RBM19: variants seen among roughly 807,000 people sequenced by gnomAD.
RBM19 encodes RNA binding motif protein 19.
In RBM19, 94 loss-of-function variants were observed where a neutral mutation model predicts 116.8. That is an observed-to-expected ratio of 0.80 (90% CI 0.68 to 0.95). RBM19 has a LOEUF of 0.95. Ranked by LOEUF, RBM19 falls within the 40% of genes least tolerant of loss-of-function variation. The probability of loss-of-function intolerance (pLI) is 0.00; values close to 1 mark genes in which losing one functional copy is unlikely to be tolerated. For synonymous variants in RBM19, 475 were observed against 494.1 expected (o/e 0.96, Z 0.51); for missense variants, 1,161 against 1,220.7 (o/e 0.95, Z 0.73).
At chr12:113,951,533 A>G (rs952229816) in intron 8 of RBM19, among the ~76,000 whole-genome samples, 2 of 150,566 alleles carry the variant, frequency 1.3e-5, no homozygotes, top group African/African-American at 4.9e-5. Context: ...GCACACACAC[A>G]CACAAACACA....
intron 21 of RBM19, among the ~76,000 whole-genome samples, chr12:113,908,806 C>T (rs1256469731): frequency 6.6e-6 from 1 of 152,202 alleles, no homozygotes; most frequent in African/African-American, 2.4e-5. Flanking sequence ...CTGTGCCTTA[C>T]ACTTCGCGTT....
chr12:113,852,764 A>C (rs1593484142), intron 22 of RBM19, among the ~76,000 whole-genome samples: 1 of 152,368 alleles, frequency 6.6e-6, no homozygotes, highest in Admixed American at 6.5e-5. Context: ...ACTTGGGCTA[A>C]AGGGATCTGA....
chr12:113,947,616 T>C, intron 10 of RBM19, 152 bp from the exon 11 acceptor site: 1 of 808,540 alleles, frequency 1.2e-6, no homozygotes, highest in Non-Finnish European at 1.8e-6. Context: ...CAACAATACC[T>C]GGGCTGGAGC....
intron 21 of RBM19, among the ~76,000 whole-genome samples, chr12:113,890,589 T>G (rs990265719): frequency 6.6e-6 from 1 of 152,142 alleles, no homozygotes; most frequent in African/African-American, 2.4e-5. Flanking sequence ...TCGGGGAATG[T>G]TCAGGGATGG....
At chr12:113,956,076 G>A (rs1229213829) in intron 6 of RBM19, among the ~76,000 whole-genome samples, 3 of 152,042 alleles carry the variant, frequency 2.0e-5, no homozygotes, top group South Asian at 4.2e-4. Context: ...TCTCACCCAA[G>A]GACCAACAGC....
At chr12:113,863,613 C>G (rs577656913) in intron 21 of RBM19, among the ~76,000 whole-genome samples, 28 of 152,252 alleles carry the variant, frequency 1.8e-4, no homozygotes, top group Non-Finnish European at 4.0e-4. Context: ...GCTGGAAGAA[C>G]CAGAATCCCA....
At chr12:113,875,042 G>C (rs1033971990) in intron 21 of RBM19, among the ~76,000 whole-genome samples, 1 of 152,238 alleles carries the variant, frequency 6.6e-6, no homozygotes, top group African/African-American at 2.4e-5. Context: ...TGTCAACCAG[G>C]AGATGACAGC....
rs750723689 is a variant in RBM19, at chr12:113,915,058, T to A, written c.2469A>T (p.Lys823Asn). 10 of 1,614,024 alleles carry A rather than the reference T, an allele frequency of 6.2e-6. No individual in the cohort carries two copies. In the South Asian group the frequency reaches 1.1e-4, roughly 18 times the overall value. The change falls in exon 21 of 24, where the codon AAA becomes AAT. Residue 823 changes from lysine (K) to asparagine (N), a missense_variant. Physicochemically the swap from Lys to Asn is moderately conservative, Grantham distance 94 (BLOSUM62 0). Transcript: ENST00000261741. ...TKPAVTLARK[K>N]QVPRKQTTSK... The stretch of plus-strand genomic sequence containing the variant: ...AGGTGGTCTGCTTTCTGGGAACTTG[T>A]TTCTTCCGAGCCAATGTCACGGCTG...
At position 113,924,774 on chromosome 12, in the gene RBM19, C is replaced by T. The variant is rs200519747; in HGVS notation, c.2245-17G>A. Reference sequence around the variant, plus strand: ...TGAAAACACCTGGATAAGAAAGTAACAAGTATCATCAGCAGCTCTAAACCA... The same window carrying T: ...TGAAAACACCTGGATAAGAAAGTAATAAGTATCATCAGCAGCTCTAAACCA... On this transcript the variant is annotated splice_polypyrimidine_tract_variant and intron_variant, in intron 17 of 23. Transcript: ENST00000261741. 3.3e-6 allele frequency: 5 copies of T among 1,529,162 alleles called. No homozygotes were observed. The East Asian group carries it at 1.1e-4, about 34-fold the overall frequency. 94.7% of individuals were successfully genotyped at this position (1,529,162 alleles called of 1,614,324 possible).
downstream of RBM19, among the ~76,000 whole-genome samples, chr12:113,821,248 T>G (rs1257441290): frequency 6.6e-6 from 1 of 152,194 alleles, no homozygotes; most frequent in African/African-American, 2.4e-5. Flanking sequence ...AAGCATCCTC[T>G]GGGCCAGTTA....
chr12:113,926,203 C>T (rs1280731543), intron 17 of RBM19, among the ~76,000 whole-genome samples: 1 of 152,186 alleles, frequency 6.6e-6, no homozygotes, highest in African/African-American at 2.4e-5. Context: ...CCACCATATT[C>T]CTACCCCTGA....
intron 18 of RBM19, among the ~76,000 whole-genome samples, chr12:113,923,728 G>A (rs1195752476): frequency 6.6e-6 from 1 of 152,122 alleles, no homozygotes. Context: ...TCCCAGCCTC[G>A]GGCTGATGTG....
chr12:113,934,344 C>T (rs937652310), intron 16 of RBM19, among the ~76,000 whole-genome samples: 4 of 152,232 alleles, frequency 2.6e-5, no homozygotes, highest in Non-Finnish European at 4.4e-5. Flanking sequence ...GGAAACTGAG[C>T]CTCAGAGAGG....
intron 13 of RBM19, among the ~76,000 whole-genome samples, chr12:113,944,878 TAC>T (rs1042059618): frequency 5.6e-5 from 8 of 144,088 alleles, no homozygotes; most frequent in African/African-American, 2.1e-4. Context: ...TATATATATA[TAC>T]ACATTTATAT....
Position 113,942,536 on chromosome 12 carries a change from G to A in RBM19, c.1627-102C>T, listed in dbSNP as rs551044900. On this transcript the variant is annotated intron_variant, in intron 13 of 23. Coordinates refer to ENST00000261741, the MANE Select transcript of RBM19 (RefSeq NM_016196.4). Reference sequence around the variant, plus strand: ...TGAAGAGGAGGCTGGGATGGAAATGGATTCCACGGATGCCGCTCACCTTCC... The same window carrying A: ...TGAAGAGGAGGCTGGGATGGAAATGAATTCCACGGATGCCGCTCACCTTCC... The A allele has an allele frequency of 3.7e-5, 32 of 861,302 alleles. No individual in the cohort carries two copies. The African/African-American group carries it at 5.1e-4, about 14-fold the overall frequency. The allele number at this position is 861,302 out of a possible 1,614,324, so 53.4% of individuals were successfully genotyped here.
rs756060518 is a variant in RBM19, at chr12:113,844,710, T to A, written c.2743A>T (p.Thr915Ser). 2 of 1,613,052 alleles carry A rather than the reference T, an allele frequency of 1.2e-6. No individual in the cohort carries two copies. The highest frequency in any genetic ancestry group is 1.7e-5 in the Admixed American group (1 of 59,964). The change falls in exon 23 of 24, where the codon ACC becomes TCC. Residue 915 changes from threonine (T) to serine (S), a missense_variant. Thr to Ser is a moderately conservative substitution (Grantham distance 58). Coordinates refer to ENST00000261741, the MANE Select transcript of RBM19 (RefSeq NM_016196.4). ...GTCTTCCGCCGCAGGGCCTGCAGGG[T>A]CACCTCGGAGTCGGCCCACTCCAGC... ...LVLEWADSEV[T>S]LQALRRKTAA...
At chr12:113,830,546 T>C (rs937948505) in intron 23 of RBM19, among the ~76,000 whole-genome samples, 1 of 103,744 alleles carries the variant, frequency 9.6e-6, no homozygotes, top group African/African-American at 3.9e-5. Context: ...CTGATACCCA[T>C]GGAGTTACCC....
chr12:113,899,160 T>C (rs1353943015), intron 21 of RBM19, among the ~76,000 whole-genome samples: 4 of 152,230 alleles, frequency 2.6e-5, no homozygotes, highest in African/African-American at 7.2e-5. Context: ...TCAGAGACCA[T>C]CACGTCGTTG....
At chr12:113,884,298 TACACACACACACACACACACAC>T (rs56150788) in intron 21 of RBM19, among the ~76,000 whole-genome samples, 1 of 137,298 alleles carries the variant, frequency 7.3e-6, no homozygotes, top group Admixed American at 7.3e-5. Context: ...AAAAAAAGTA[TACACACACACACACACACACAC>T]ACACACACAC....
Sources: allele counts gnomAD v4.1 joint callset (sites outside exome capture counted in the v4.1 genomes callset), GRCh38; gene constraint gnomAD v4.1.1; transcripts MANE v1.5; gene names NCBI Gene and HGNC (gene_info 2026-07-23, HGNC 2026-07-21).